The following SPIDR variants were observed in gnomAD, a reference collection of about 807,000 sequenced individuals.
SPIDR encodes DNA repair-scaffolding protein.
In SPIDR, 93 loss-of-function variants were observed where a neutral mutation model predicts 104.6. The observed-to-expected ratio is 0.89, with a 90% CI of 0.75 to 1.06. SPIDR has a LOEUF of 1.06. Among genes scored for constraint, SPIDR ranks in the 50% least tolerant of loss-of-function variants. The probability of loss-of-function intolerance (pLI) is 0.00; values close to 1 mark genes in which losing one functional copy is unlikely to be tolerated. For synonymous variants in SPIDR, 431 were observed against 416.9 expected (o/e 1.03, Z -0.41); for missense variants, 1,154 against 1,111.2 (o/e 1.04, Z -0.55).
intron 10 of SPIDR, among the ~76,000 whole-genome samples, chr8:47,651,156 C>G (rs1425978913): frequency 6.6e-6 from 1 of 152,094 alleles, no homozygotes; most frequent in Non-Finnish European, 1.5e-5. Context: ...AAACAGACAA[C>G]TCACAGAATG....
chr8:47,408,658 C>T lies in SPIDR; in HGVS notation c.877+697C>T, dbSNP rs138550865. Among the ~76,000 whole-genome samples the T allele has an allele frequency of 9.1e-3, 1,387 of 152,174 alleles. 23 individuals are homozygous for T. The highest frequency in any genetic ancestry group is 0.031 in the African/African-American group (1,292 of 41,508). On this transcript the variant is annotated intron_variant, in intron 7 of 19. Coordinates refer to ENST00000297423, the MANE Select transcript of SPIDR (RefSeq NM_001080394.4). ...GGAAAGCAAGAGGTAAAGCTGTCTC[C>T]GTTTGCAGATAACATGATCTTATAT...
intron 8 of SPIDR, among the ~76,000 whole-genome samples, chr8:47,588,033 ATATATATATAT>A (rs1588104671): frequency 0.014 from 323 of 23,294 alleles, 32 homozygotes; most frequent in East Asian, 0.036. Flanking sequence ...TAGCATATAT[ATATATATATAT>A]ATATATATAT....
chr8:47,735,625 C>G lies in SPIDR; in HGVS notation c.*175C>G. ...AGATACAGTTTTGTGAACTGTAAAT[C>G]AAAATACCTTTTTCTACAGTTTATC... is the stretch of plus-strand genomic sequence containing the variant. On this transcript the variant is annotated 3_prime_UTR_variant, in exon 20 of 20. Coordinates refer to ENST00000297423, the MANE Select transcript of SPIDR (RefSeq NM_001080394.4). 1 of 1,248,998 alleles carries G rather than the reference C, an allele frequency of 8.0e-7. No individual in the cohort carries two copies. The highest frequency in any genetic ancestry group is 1.1e-6 in the Non-Finnish European group (1 of 923,400). 77.4% of individuals were successfully genotyped at this position (1,248,998 alleles called of 1,614,324 possible).
At chr8:47,355,797 A>AT (rs1163145528) in intron 5 of SPIDR, among the ~76,000 whole-genome samples, 1 of 152,218 alleles carries the variant, frequency 6.6e-6, no homozygotes, top group Non-Finnish European at 1.5e-5. Flanking sequence ...ACTATTAAAT[A>AT]TTTTTTAAAT....
At chr8:47,472,259 T>C (rs1245610048) in intron 8 of SPIDR, among the ~76,000 whole-genome samples, 4 of 152,260 alleles carry the variant, frequency 2.6e-5, no homozygotes, top group African/African-American at 7.2e-5. Context: ...CTCCTTCACA[T>C]TGTCTCCTAG....
intron 10 of SPIDR, among the ~76,000 whole-genome samples, chr8:47,647,048 C>T (rs551208956): frequency 1.3e-5 from 2 of 152,088 alleles, no homozygotes; most frequent in Non-Finnish European, 2.9e-5. Flanking sequence ...AAAATAGAAG[C>T]AACCTAAATG....
intron 8 of SPIDR, among the ~76,000 whole-genome samples, chr8:47,539,916 G>A (rs2087769385): frequency 6.6e-6 from 1 of 152,096 alleles, no homozygotes; most frequent in Non-Finnish European, 1.5e-5. Flanking sequence ...GATTGGACTG[G>A]CTTCCTTCTT....
intron 8 of SPIDR, among the ~76,000 whole-genome samples, chr8:47,534,369 A>G (rs1433542429): frequency 6.6e-6 from 1 of 152,256 alleles, no homozygotes; most frequent in Non-Finnish European, 1.5e-5. Context: ...TAGCAAAGAC[A>G]TGGAATCAAC....
chr8:47,598,412 G>C (rs1564435435), intron 9 of SPIDR, among the ~76,000 whole-genome samples: 1 of 152,148 alleles, frequency 6.6e-6, no homozygotes, highest in Non-Finnish European at 1.5e-5. Flanking sequence ...TAAAAGCCTG[G>C]AATATAGGAA....
At chr8:47,509,157 A>T (rs1028408858) in intron 8 of SPIDR, among the ~76,000 whole-genome samples, 8 of 152,098 alleles carry the variant, frequency 5.3e-5, no homozygotes, top group Non-Finnish European at 1.2e-4. Context: ...CCATTCCCAA[A>T]TACCCAGCTA....
chr8:47,521,430 A>AT (rs967084468), intron 8 of SPIDR, among the ~76,000 whole-genome samples: 64 of 145,070 alleles, frequency 4.4e-4, no homozygotes, highest in Admixed American at 2.1e-3. Context: ...TTTTGTTGTG[A>AT]TTTTTTTTTC....
chr8:47,355,293 T>C (rs1321550584), intron 5 of SPIDR, among the ~76,000 whole-genome samples: 1 of 131,812 alleles, frequency 7.6e-6, no homozygotes, highest in Non-Finnish European at 1.6e-5. Context: ...AAAAAAAAAA[T>C]ACTGCCTTAG....
chr8:47,533,667 A>ACCCC (rs2086407256), intron 8 of SPIDR, among the ~76,000 whole-genome samples: 3 of 152,146 alleles, frequency 2.0e-5, no homozygotes, highest in Non-Finnish European at 4.4e-5. Flanking sequence ...GGGAAAAAAA[A>ACCCC]CCTCAACATC....
At chr8:47,594,395 C>T (rs188370435) in intron 8 of SPIDR, among the ~76,000 whole-genome samples, 5 of 151,704 alleles carry the variant, frequency 3.3e-5, no homozygotes, top group Admixed American at 2.6e-4. Flanking sequence ...AAGAAAGCTC[C>T]TTGGCCCACC....
intron 8 of SPIDR, among the ~76,000 whole-genome samples, chr8:47,513,800 GT>G (rs2082716280): frequency 6.6e-6 from 1 of 152,212 alleles, no homozygotes; most frequent in African/African-American, 2.4e-5. Context: ...TGGGATCTAT[GT>G]TAATAGCTTT....
intron 8 of SPIDR, among the ~76,000 whole-genome samples, chr8:47,564,312 T>C (rs2057493719): frequency 6.6e-6 from 1 of 152,042 alleles, no homozygotes; most frequent in Non-Finnish European, 1.5e-5. Context: ...CTCTTGACTT[T>C]GTGATCTGCC....
At chr8:47,600,635 TC>T (rs547949578) in intron 10 of SPIDR, among the ~76,000 whole-genome samples, 117 of 152,366 alleles carry the variant, frequency 7.7e-4, no homozygotes, top group Middle Eastern at 3.4e-3. Context: ...AGACCAGTCT[TC>T]TACCCTTTGC....
In SPIDR at chr8:47,468,366, A is replaced by G. The variant is rs549568948; in HGVS notation, c.1097+27824A>G. Among the ~76,000 whole-genome samples, 4 of 152,264 alleles carry G rather than the reference A, an allele frequency of 2.6e-5. No individual in the cohort carries two copies. The South Asian group carries it at 6.2e-4, about 24-fold the overall frequency. ...TAATAAAAACTATTTTCAAATTCACATGTATCCAAAAATGAGCCCAAATAG... is the reference window on the plus strand; with the variant it reads ...TAATAAAAACTATTTTCAAATTCACGTGTATCCAAAAATGAGCCCAAATAG... On this transcript the variant is annotated intron_variant, in intron 8 of 19. Transcript: ENST00000297423.
chr8:47,467,186 G>T (rs2075006317), intron 8 of SPIDR, among the ~76,000 whole-genome samples: 1 of 151,994 alleles, frequency 6.6e-6, no homozygotes, highest in Non-Finnish European at 1.5e-5. Context: ...TTTTTGAACA[G>T]ACCAGTAATG....
Sources: allele counts gnomAD v4.1 joint callset (sites outside exome capture counted in the v4.1 genomes callset), GRCh38; gene constraint gnomAD v4.1.1; transcripts MANE v1.5; gene names NCBI Gene and HGNC (gene_info 2026-07-23, HGNC 2026-07-21).